COL23A1: variants seen among roughly 807,000 people sequenced by gnomAD.
COL23A1 encodes collagen alpha-1(XXIII) chain.
In COL23A1, 97 loss-of-function variants were observed where a neutral mutation model predicts 99.3. That is an observed-to-expected ratio of 0.98 (90% CI 0.83 to 1.16). The LOEUF (loss-of-function observed/expected upper bound fraction) is 1.16, where lower values mean the gene tolerates loss of function less well. COL23A1 is among the 50% of genes most tolerant of loss of function. The pLI, the probability that COL23A1 is intolerant of heterozygous loss-of-function variation, is 0.00. For synonymous variants in COL23A1, 320 were observed against 308.2 expected (o/e 1.04, Z -0.40); for missense variants, 762 against 757.4 (o/e 1.01, Z -0.07).
rs1397526420 is a variant in COL23A1 at position 178,267,261 on chromosome 5, A to G, written c.522+46T>C. Reference sequence around the variant, plus strand: ...CGCCAGTTATGCCTCATTATTACACAAAACAAACCATGTGGGCAGTGAGGG... The same window carrying G: ...CGCCAGTTATGCCTCATTATTACACGAAACAAACCATGTGGGCAGTGAGGG... On this transcript the variant is annotated intron_variant, in intron 8 of 28. Coordinates refer to ENST00000390654, the MANE Select transcript of COL23A1 (RefSeq NM_173465.4). The G allele has an allele frequency of 1.9e-6, 3 of 1,609,778 alleles. No individual in the cohort carries two copies. The Admixed American group carries it at 5.0e-5, about 27-fold the overall frequency.
chr5:178,245,925 G>A lies in COL23A1; in HGVS notation c.1440+17C>T. Reference sequence around the variant, plus strand: ...CAAGAGGCACCCAATTACTCAAAGTGATGATAAGACACTTACATCTAGTCC... The same window carrying A: ...CAAGAGGCACCCAATTACTCAAAGTAATGATAAGACACTTACATCTAGTCC... On this transcript the variant is annotated intron_variant, in intron 25 of 28. Transcript: ENST00000390654. 6.2e-7 allele frequency: 1 copy of A among 1,614,026 alleles called. No individual in the cohort carries two copies. The highest frequency in any genetic ancestry group is 8.5e-7 in the Non-Finnish European group (1 of 1,179,898).
intron 2 of COL23A1, among the ~76,000 whole-genome samples, chr5:178,431,425 A>G (rs546701547): frequency 1.3e-5 from 2 of 152,342 alleles, no homozygotes; most frequent in East Asian, 1.9e-4. Flanking sequence ...TAATCCCCAG[A>G]ACCCGCGAAT....
At chr5:178,358,494 T>C (rs1561898047) in intron 2 of COL23A1, among the ~76,000 whole-genome samples, 3 of 119,048 alleles carry the variant, frequency 2.5e-5, no homozygotes, top group Non-Finnish European at 5.9e-5. Context: ...TATGTGTGTG[T>C]ATGCGTGTAT....
rs1037757978 is a variant in COL23A1, at chr5:178,415,173, G to T, written c.362-108254C>A. Among the ~76,000 whole-genome samples, 1 of 152,286 alleles carries T rather than the reference G, an allele frequency of 6.6e-6. No individual in the cohort carries two copies. Among genetic ancestry groups the T allele is most frequent in the African/African-American group, 2.4e-5 (1 of 41,550 alleles). On this transcript the variant is annotated intron_variant, in intron 2 of 28. Transcript: ENST00000390654. The surrounding 1 kb of genome is among the most constrained non-coding windows in gnomAD (Gnocchi z 4.6). ...ATTCAGCCTCTGACTCTCCCAGGAA[G>T]GAGCTCCAGTCAAGGATCCTGGCAT...
At chr5:178,388,554 A>G (rs1763793462) in intron 2 of COL23A1, among the ~76,000 whole-genome samples, 1 of 152,210 alleles carries the variant, frequency 6.6e-6, no homozygotes, top group Admixed American at 6.5e-5. Flanking sequence ...TGTGGGTTGC[A>G]GCATCAGTGG....
intron 2 of COL23A1, among the ~76,000 whole-genome samples, chr5:178,471,594 A>G (rs1397689508): frequency 6.6e-6 from 1 of 151,994 alleles, no homozygotes; most frequent in Non-Finnish European, 1.5e-5. Flanking sequence ...CTGGCCAGGG[A>G]GAGACTCCCT....
chr5:178,463,271 T>C (rs1397951803), intron 2 of COL23A1, among the ~76,000 whole-genome samples: 1 of 152,198 alleles, frequency 6.6e-6, no homozygotes, highest in Non-Finnish European at 1.5e-5. Flanking sequence ...TTCCAGAAAA[T>C]AAATAAGCAT....
At chr5:178,401,719 C>T (rs4976773) in intron 2 of COL23A1, among the ~76,000 whole-genome samples, 64,579 of 152,160 alleles carry the variant, frequency 0.42, 14,958 homozygotes, top group African/African-American at 0.6. Flanking sequence ...ACCCAACTGT[C>T]TTCCAAAGTG....
intron 2 of COL23A1, among the ~76,000 whole-genome samples, chr5:178,501,614 T>C (rs894409698): frequency 2.0e-5 from 3 of 151,610 alleles, no homozygotes; most frequent in Admixed American, 2.0e-4. Flanking sequence ...CTGCTCTTTC[T>C]AGCCAAAGGA....
chr5:178,452,624 C>A (rs538399533), intron 2 of COL23A1, among the ~76,000 whole-genome samples: 18 of 152,238 alleles, frequency 1.2e-4, no homozygotes, highest in African/African-American at 4.1e-4. Context: ...TAAGGAGTGC[C>A]GACAAATTGC....
At chr5:178,567,324 A>G (rs1160721302) in intron 1 of COL23A1, among the ~76,000 whole-genome samples, 1 of 152,230 alleles carries the variant, frequency 6.6e-6, no homozygotes. Context: ...GAGATGAGAA[A>G]TGAGAAATTC....
chr5:178,501,596 G>C (rs1232309516), intron 2 of COL23A1, among the ~76,000 whole-genome samples: 2 of 151,418 alleles, frequency 1.3e-5, no homozygotes, highest in South Asian at 4.2e-4. Context: ...AAAAGTCCCA[G>C]CAAAAGCCTG....
At chr5:178,537,229 G>A (rs867609121) in intron 2 of COL23A1, among the ~76,000 whole-genome samples, 1 of 152,170 alleles carries the variant, frequency 6.6e-6, no homozygotes, top group Admixed American at 6.5e-5. Context: ...GGGGGGTCTG[G>A]GGCTTGTAGA....
chr5:178,494,442 C>T (rs569627844), intron 2 of COL23A1, among the ~76,000 whole-genome samples: 3 of 152,190 alleles, frequency 2.0e-5, no homozygotes, highest in East Asian at 1.9e-4. Context: ...TTTGGGAGGC[C>T]GAGGCAGGCG....
At chr5:178,334,179 A>T (rs996176353) in intron 2 of COL23A1, among the ~76,000 whole-genome samples, 1 of 152,042 alleles carries the variant, frequency 6.6e-6, no homozygotes, top group African/African-American at 2.4e-5. Flanking sequence ...TGCGGCTGTG[A>T]TGCGTTTCAG....
Position 178,358,741 on chromosome 5 carries a change from CTGTGTGTGTATCTG to C in COL23A1, c.362-51836_362-51823del, listed in dbSNP as rs1177445698. Reference sequence around the variant, plus strand: ...TGTATGTGTATGTGTGTATGTGTATCTGTGTGTGTATCTGTGTGTGTGTATGTGTGTGTATGTGT... The same window carrying C: ...TGTATGTGTATGTGTGTATGTGTATCTGTGTGTGTATGTGTGTGTATGTGT... On this transcript the variant is annotated intron_variant, in intron 2 of 28. Transcript: ENST00000390654. 1.4e-4 allele frequency among the ~76,000 whole-genome samples: 12 copies of C among 87,670 alleles called. No individual in the cohort carries two copies. In the South Asian group the frequency reaches 2.1e-3, roughly 15 times the overall value. The allele number at this position is 87,670 out of a possible 152,430, so 57.5% of individuals were successfully genotyped here. A position where few individuals can be genotyped will look rare whatever the true frequency, so the allele number is the denominator to read the frequency against.
rs115461975 is a variant in COL23A1, at chr5:178,280,149, G to A, written c.441+8175C>T. On this transcript the variant is annotated intron_variant, in intron 5 of 28. Coordinates refer to ENST00000390654, the MANE Select transcript of COL23A1 (RefSeq NM_173465.4). The surrounding 1 kb of genome is among the most constrained non-coding windows in gnomAD (Gnocchi z 4.9). Reference sequence around the variant, plus strand: ...CCGGCCAGGGAACACTAGAGGGCGCGCTTGACCTGCCGAAGGCTGCCTCCA... The same window carrying A: ...CCGGCCAGGGAACACTAGAGGGCGCACTTGACCTGCCGAAGGCTGCCTCCA... Among the ~76,000 whole-genome samples the A allele has an allele frequency of 5.0e-3, 764 of 152,376 alleles. 7 individuals are homozygous for A. Among genetic ancestry groups the A allele is most frequent in the African/African-American group, 0.018 (733 of 41,598 alleles).
At chr5:178,300,867 A>G (rs1396715919) in intron 3 of COL23A1, among the ~76,000 whole-genome samples, 1 of 152,158 alleles carries the variant, frequency 6.6e-6, no homozygotes, top group Non-Finnish European at 1.5e-5. Flanking sequence ...CCTGGCCAAG[A>G]TTCATTTTTT....
At chr5:178,407,790 G>C (rs751402168) in intron 2 of COL23A1, among the ~76,000 whole-genome samples, 3 of 150,692 alleles carry the variant, frequency 2.0e-5, no homozygotes, top group Admixed American at 6.6e-5. Flanking sequence ...AACAAACAGA[G>C]AGAAAATAGA....
Sources: allele counts gnomAD v4.1 joint callset (sites outside exome capture counted in the v4.1 genomes callset), GRCh38; gene constraint gnomAD v4.1.1; non-coding constraint Gnocchi (gnomAD v3.1); transcripts MANE v1.5; gene names NCBI Gene and HGNC (gene_info 2026-07-23, HGNC 2026-07-21).